The following MYO5B variants were observed in gnomAD, a reference collection of about 807,000 sequenced individuals.
MYO5B encodes the protein myosin VB, also known as unconventional myosin-Vb.
MYO5B carries 143 observed loss-of-function variants against 229.3 expected under a neutral mutation model. The ratio of observed to expected loss-of-function variants is 0.62; its 90% confidence interval spans 0.54 to 0.72. The LOEUF (loss-of-function observed/expected upper bound fraction) is 0.72, where lower values mean the gene tolerates loss of function less well. MYO5B is among the 30% of genes least tolerant of loss of function. The pLI is 0.00. For missense variants in MYO5B, 2,321 were observed against 2,331.0 expected (o/e 1.00, Z 0.09); for synonymous variants, 918 against 885.2 (o/e 1.04, Z -0.66).
chr18:49,960,097 C>G (rs916456403), intron 12 of MYO5B, among the ~76,000 whole-genome samples: 1 of 152,136 alleles, frequency 6.6e-6, no homozygotes, highest in Admixed American at 6.5e-5. Context: ...TTTAAACTCA[C>G]AGCCACCCCA....
At chr18:50,156,644 C>T (rs2060886834) in intron 1 of MYO5B, among the ~76,000 whole-genome samples, 1 of 152,182 alleles carries the variant, frequency 6.6e-6, no homozygotes, top group Admixed American at 6.5e-5. Context: ...AGTGTGAGAA[C>T]AGACTAATAC....
At chr18:50,152,940 T>C (rs932740439) in intron 1 of MYO5B, among the ~76,000 whole-genome samples, 1 of 150,486 alleles carries the variant, frequency 6.6e-6, no homozygotes, top group African/African-American at 2.4e-5. Context: ...AATTCTATAA[T>C]AGATTCCACC....
At chr18:50,124,232 T>C (rs1030779219) in intron 1 of MYO5B, among the ~76,000 whole-genome samples, 1 of 152,252 alleles carries the variant, frequency 6.6e-6, no homozygotes, top group African/African-American at 2.4e-5. Context: ...TTCTGGTAAC[T>C]GAACATTTTA....
At chr18:50,111,623 G>A (rs181635297) in intron 1 of MYO5B, among the ~76,000 whole-genome samples, 14 of 152,226 alleles carry the variant, frequency 9.2e-5, no homozygotes, top group African/African-American at 3.4e-4. Context: ...ATCTATAATG[G>A]TTATTGTTGC....
At chr18:49,867,833 T>G (rs1172328666) in intron 27 of MYO5B, among the ~76,000 whole-genome samples, 1 of 152,200 alleles carries the variant, frequency 6.6e-6, no homozygotes, top group Non-Finnish European at 1.5e-5. Context: ...TGAAAATGGC[T>G]CTCACAAATC....
At chr18:50,146,710 G>C (rs1398320737) in intron 1 of MYO5B, among the ~76,000 whole-genome samples, 1 of 152,222 alleles carries the variant, frequency 6.6e-6, no homozygotes, top group Non-Finnish European at 1.5e-5. Flanking sequence ...GACTCAACCT[G>C]TATTTTGCGA....
chr18:50,052,188 A>G (rs1772954090), intron 2 of MYO5B, among the ~76,000 whole-genome samples: 1 of 152,192 alleles, frequency 6.6e-6, no homozygotes, highest in African/African-American at 2.4e-5. Flanking sequence ...CTTTTGACCC[A>G]GCCATCCCAT....
chr18:50,171,746 G>A lies in MYO5B; in HGVS notation c.27+23021C>T, dbSNP rs1370568615. ...GGGGTTTTGTCAAGATGTTGAAATG[G>A]AGTTGTGGATGATCCCAGACAGGCA... On this transcript the variant is annotated intron_variant, in intron 1 of 39. Coordinates refer to ENST00000285039, the MANE Select transcript of MYO5B (RefSeq NM_001080467.3). Among the ~76,000 whole-genome samples the A allele has an allele frequency of 1.6e-5, 2 of 127,546 alleles. 1 individual carries two copies. The highest frequency in any genetic ancestry group is 3.3e-5 in the Non-Finnish European group (2 of 59,806). The allele number at this position is 127,546 out of a possible 152,430, so 83.7% of individuals were successfully genotyped here.
At chr18:50,146,847 G>A (rs895516615) in intron 1 of MYO5B, among the ~76,000 whole-genome samples, 2 of 152,114 alleles carry the variant, frequency 1.3e-5, no homozygotes, top group Non-Finnish European at 2.9e-5. Context: ...TAGCTGGAAG[G>A]ATATAGGACA....
intron 1 of MYO5B, among the ~76,000 whole-genome samples, chr18:50,100,543 A>G (rs1182242112): frequency 1.3e-5 from 2 of 152,078 alleles, no homozygotes; most frequent in Non-Finnish European, 2.9e-5. Context: ...CCCTCTGCCT[A>G]CCACCCTCCC....
At chr18:49,845,914 T>C (rs898456501) in intron 33 of MYO5B, among the ~76,000 whole-genome samples, 1 of 152,212 alleles carries the variant, frequency 6.6e-6, no homozygotes. Context: ...TGGCCCTTGC[T>C]GAGCAGCCAA....
chr18:49,958,069 A>G (rs2025516293), intron 12 of MYO5B, among the ~76,000 whole-genome samples: 1 of 152,192 alleles, frequency 6.6e-6, no homozygotes, highest in Non-Finnish European at 1.5e-5. Flanking sequence ...ACGCTCAGCA[A>G]AACATTAATT....
At chr18:49,932,787 G>A (rs866639227) in intron 16 of MYO5B, among the ~76,000 whole-genome samples, 2 of 152,136 alleles carry the variant, frequency 1.3e-5, no homozygotes, top group Non-Finnish European at 1.5e-5. Context: ...GGGGATATGG[G>A]AGGCCAGCTG....
intron 17 of MYO5B, among the ~76,000 whole-genome samples, chr18:49,923,728 C>T (rs10502904): frequency 0.041 from 6,283 of 152,268 alleles, 322 homozygotes; most frequent in East Asian, 0.14. Context: ...AAGCAACATC[C>T]TGTGTAGTCT....
intron 17 of MYO5B, among the ~76,000 whole-genome samples, chr18:49,920,352 T>C (rs1410236802): frequency 6.6e-6 from 1 of 152,166 alleles, no homozygotes; most frequent in Non-Finnish European, 1.5e-5. Context: ...GGTTTGTGGG[T>C]GGCCTTTATA....
chr18:49,835,306 T>A (rs377726769), intron 39 of MYO5B, 38 bp downstream of exon 39: 15 of 1,459,670 alleles, frequency 1.0e-5, no homozygotes, highest in South Asian at 2.3e-5. Context: ...TTTATAGTCG[T>A]AGACTGGACT....
rs1599095981 is a variant in MYO5B, at chr18:50,194,874, T to C, written c.-81A>G. On this transcript the variant is annotated 5_prime_UTR_variant, in exon 1 of 40. The change abolishes an upstream ATG in the 5' untranslated region. Transcript: ENST00000285039. Reference sequence around the variant, plus strand: ...TCCGCGGCTGGCCCGCCTGGCGCCATGTTCCCGGGCTGGCCTGGAGTTTCT... The same window carrying C: ...TCCGCGGCTGGCCCGCCTGGCGCCACGTTCCCGGGCTGGCCTGGAGTTTCT... 1.6e-6 allele frequency: 2 copies of C among 1,238,654 alleles called. No individual in the cohort carries two copies. The highest frequency in any genetic ancestry group is 3.3e-5 in the East Asian group (1 of 30,212). The allele number at this position is 1,238,654 out of a possible 1,614,324, so 76.7% of individuals were successfully genotyped here. A position where few individuals can be genotyped will look rare whatever the true frequency, so the allele number is the denominator to read the frequency against.
intron 2 of MYO5B, among the ~76,000 whole-genome samples, chr18:50,052,213 C>T (rs917562926): frequency 1.3e-5 from 2 of 152,030 alleles, no homozygotes. Context: ...GGGTATATAC[C>T]AAAAGGACTA....
At chr18:50,016,513 C>T (rs1170629441) in intron 4 of MYO5B, among the ~76,000 whole-genome samples, 2 of 152,156 alleles carry the variant, frequency 1.3e-5, no homozygotes, top group Non-Finnish European at 2.9e-5. Context: ...TTATTCACAC[C>T]TACCTCTGCC....
Sources: gnomAD v4.1 joint callset for allele counts (sites outside exome capture counted in the v4.1 genomes callset) on GRCh38, gnomAD v4.1.1 for gene constraint, MANE v1.5 for transcripts, NCBI Gene and HGNC (gene_info 2026-07-23, HGNC 2026-07-21) for gene names.